The following PALM2AKAP2 variants were observed in gnomAD, a reference collection of about 807,000 sequenced individuals.
PALM2AKAP2 encodes PALM2-AKAP2 fusion protein.
In PALM2AKAP2, 37 loss-of-function variants were observed where a neutral mutation model predicts 71.5. That is an observed-to-expected ratio of 0.52 (90% CI 0.40 to 0.68). The LOEUF (loss-of-function observed/expected upper bound fraction) is 0.68, where lower values mean the gene tolerates loss of function less well. Among genes scored for constraint, PALM2AKAP2 ranks in the 30% least tolerant of loss-of-function variants. The probability of loss-of-function intolerance (pLI) is 0.00; values close to 1 mark genes in which losing one functional copy is unlikely to be tolerated. For synonymous variants in PALM2AKAP2, 468 were observed against 478.8 expected (o/e 0.98, Z 0.29); for missense variants, 1,224 against 1,191.8 (o/e 1.03, Z -0.40).
At chr9:110,083,594 A>G (rs1436298071) in intron 1 of PALM2AKAP2, among the ~76,000 whole-genome samples, 1 of 151,774 alleles carries the variant, frequency 6.6e-6, no homozygotes, top group African/African-American at 2.4e-5. Flanking sequence ...TTTTTTTCCT[A>G]CTTATCTGTC....
chr9:109,692,453 A>G (rs941009671), intron 1 of PALM2AKAP2, among the ~76,000 whole-genome samples: 16 of 151,924 alleles, frequency 1.1e-4, no homozygotes, highest in African/African-American at 3.6e-4. Context: ...ACTTTGTATT[A>G]TTATTAAACT....
intron 2 of PALM2AKAP2, among the ~76,000 whole-genome samples, chr9:109,872,747 G>A (rs982523704): frequency 3.9e-5 from 6 of 152,162 alleles, no homozygotes; most frequent in African/African-American, 1.4e-4. Flanking sequence ...CAGAAGACTT[G>A]CTACAAAGAT....
chr9:109,715,107 A>G (rs1428731374), intron 1 of PALM2AKAP2, among the ~76,000 whole-genome samples: 2 of 152,198 alleles, frequency 1.3e-5, no homozygotes, highest in South Asian at 2.1e-4. Context: ...GATCTACACT[A>G]TCTTTTGAAA....
In PALM2AKAP2 at chr9:109,873,638, T is replaced by G. The variant is rs138285627; in HGVS notation, c.126+6067T>G. 3.9e-5 allele frequency among the ~76,000 whole-genome samples: 6 copies of G among 152,278 alleles called. No homozygotes were observed. In the East Asian group the frequency reaches 1.2e-3, roughly 29 times the overall value. On this transcript the variant is annotated intron_variant, in intron 2 of 9. Transcript: ENST00000302798. ...GAATCACAGGTGAATATTTTTATAG[T>G]GAGGGTAAGGAAGTCTTATCTATGT...
At chr9:109,880,045 T>C (rs1829811132) in intron 2 of PALM2AKAP2, among the ~76,000 whole-genome samples, 1 of 152,168 alleles carries the variant, frequency 6.6e-6, no homozygotes, top group Non-Finnish European at 1.5e-5. Context: ...CTGAAGATGA[T>C]TGGGAGTCAT....
In PALM2AKAP2 at chr9:110,024,798, A is replaced by T; in HGVS notation, c.582+8759A>T. On this transcript the variant is annotated intron_variant, in intron 7 of 9. Transcript: ENST00000302798. ...TATGACCCTGTCTTAAAAAAAAAAA[A>T]AGATATGCCAGTGTCTTGGGTTTTT... 4 of 649,802 alleles carry T rather than the reference A, an allele frequency of 6.2e-6. No individual in the cohort carries two copies. The South Asian group carries it at 6.9e-5, about 11-fold the overall frequency. 40.3% of individuals were successfully genotyped at this position (649,802 alleles called of 1,614,324 possible).
intron 3 of PALM2AKAP2, among the ~76,000 whole-genome samples, chr9:109,888,360 T>C (rs1052987612): frequency 1.3e-5 from 2 of 152,158 alleles, no homozygotes; most frequent in African/African-American, 4.8e-5. Context: ...GCTGTTGTAA[T>C]GTGTAGAGGT....
At chr9:109,788,621 A>G (rs545155886) in intron 1 of PALM2AKAP2, among the ~76,000 whole-genome samples, 1 of 152,334 alleles carries the variant, frequency 6.6e-6, no homozygotes, top group African/African-American at 2.4e-5. Context: ...TAGGAGATCA[A>G]TAGTAAAGGA....
intron 3 of PALM2AKAP2, among the ~76,000 whole-genome samples, chr9:109,913,981 C>T (rs1422233329): frequency 6.6e-6 from 1 of 152,106 alleles, no homozygotes; most frequent in Admixed American, 6.6e-5. Context: ...TGGTCTTGAT[C>T]TCCTGACCTC....
Position 110,137,365 on chromosome 9 carries a change from CG to C in PALM2AKAP2, c.1400del (p.Gly467AspfsTer89). 1.2e-6 allele frequency: 2 copies of C among 1,614,158 alleles called. No individual in the cohort carries two copies. The highest frequency in any genetic ancestry group is 1.7e-6 in the Non-Finnish European group (2 of 1,180,032). On this transcript the variant is annotated frameshift_variant, in exon 2 of 4. Transcript: ENST00000374525. LOFTEE classifies it high-confidence loss of function. ...TGACTAATCCGAGACCACCTTCTGT[CG>C]GGGGACCTCCAGAAGACAGTGGTGC...
At chr9:110,112,200 C>G (rs1037728643) in intron 1 of PALM2AKAP2, among the ~76,000 whole-genome samples, 1 of 151,552 alleles carries the variant, frequency 6.6e-6, no homozygotes, top group African/African-American at 2.4e-5. Context: ...ATCCGAGATA[C>G]AGCTAAGAGC....
At chr9:109,712,999 T>C (rs1365464565) in intron 1 of PALM2AKAP2, among the ~76,000 whole-genome samples, 1 of 152,328 alleles carries the variant, frequency 6.6e-6, no homozygotes, top group African/African-American at 2.4e-5. Context: ...TCCAGATGAA[T>C]GGATGGAGAT....
At chr9:109,782,744 T>TTGTGTGTG (rs71492863) in intron 1 of PALM2AKAP2, among the ~76,000 whole-genome samples, 383 of 144,304 alleles carry the variant, frequency 2.7e-3, no homozygotes, top group African/African-American at 7.7e-3. Flanking sequence ...GTGTGTTTGT[T>TTGTGTGTG]TGTGTGTGTG....
intron 3 of PALM2AKAP2, among the ~76,000 whole-genome samples, chr9:109,882,929 G>A (rs1829886517): frequency 6.6e-6 from 1 of 152,070 alleles, no homozygotes; most frequent in Non-Finnish European, 1.5e-5. Flanking sequence ...GATTACAGGT[G>A]TGAACCACCG....
intron 6 of PALM2AKAP2, among the ~76,000 whole-genome samples, chr9:110,015,537 C>G (rs572858446): frequency 1.3e-5 from 2 of 151,978 alleles, no homozygotes; most frequent in East Asian, 3.9e-4. Context: ...AGGCAGGAGG[C>G]GGAGGTTGCA....
chr9:110,108,863 G>T (rs1417948049), intron 1 of PALM2AKAP2, among the ~76,000 whole-genome samples: 1 of 152,108 alleles, frequency 6.6e-6, no homozygotes, highest in Admixed American at 6.5e-5. Context: ...TTTGGTAGGG[G>T]GAAGTAAAGG....
chr9:109,658,229 G>A (rs923188210), intron 1 of PALM2AKAP2, among the ~76,000 whole-genome samples: 2 of 152,058 alleles, frequency 1.3e-5, no homozygotes, highest in African/African-American at 2.4e-5. Context: ...CTGGGGAATC[G>A]TTAGTCCATG....
At chr9:109,856,881 T>C (rs1004840125) in intron 1 of PALM2AKAP2, among the ~76,000 whole-genome samples, 2 of 152,244 alleles carry the variant, frequency 1.3e-5, no homozygotes, top group African/African-American at 4.8e-5. Flanking sequence ...TTTGTTGTCA[T>C]CAGAATGCTG....
Position 109,768,480 on chromosome 9 carries a change from C to G in PALM2AKAP2, c.6-12008C>G, listed in dbSNP as rs1487530589. The stretch of plus-strand genomic sequence containing the variant: ...GTTAGGGTATGTGAGGTATCCAGCA[C>G]CTCAAGCTTTTATGATTTTTATGTG... On this transcript the variant is annotated intron_variant, in intron 1 of 6. Coordinates refer to the PALM2AKAP2 transcript ENST00000374531. 2.0e-5 allele frequency among the ~76,000 whole-genome samples: 3 copies of G among 152,130 alleles called. No homozygotes were observed. The East Asian group carries it at 5.8e-4, about 29-fold the overall frequency.
Sources: gnomAD v4.1 joint callset for allele counts (sites outside exome capture counted in the v4.1 genomes callset) on GRCh38, gnomAD v4.1.1 for gene constraint, MANE v1.5 for transcripts, NCBI Gene and HGNC (gene_info 2026-07-23, HGNC 2026-07-21) for gene names.